AKAP7: variants seen among roughly 807,000 people sequenced by gnomAD.
AKAP7 encodes the protein A-kinase anchoring protein 7, also known as A kinase (PRKA) anchor protein 7.
AKAP7 carries 39 observed loss-of-function variants against 39.5 expected under a neutral mutation model. That is an observed-to-expected ratio of 0.99 (90% CI 0.76 to 1.29). The LOEUF is 1.29. Ranked by LOEUF, AKAP7 falls within the 50% of genes most tolerant of loss-of-function variation. The pLI is 0.00. For synonymous variants in AKAP7, 140 were observed against 139.1 expected, an observed-to-expected ratio of 1.01 and a Z score of -0.05; for missense variants, 414 against 407.7, an observed-to-expected ratio of 1.02 and a Z score of -0.13.
chr6:131,265,117 T>C (rs1813673309), intron 7 of AKAP7, among the ~76,000 whole-genome samples: 1 of 152,182 alleles, frequency 6.6e-6, no homozygotes, highest in Non-Finnish European at 1.5e-5. Flanking sequence ...CCAATCATGA[T>C]GCTAAGTGCT....
chr6:131,195,495 C>T (rs890352465), intron 5 of AKAP7, among the ~76,000 whole-genome samples: 1 of 152,106 alleles, frequency 6.6e-6, no homozygotes, highest in Non-Finnish European at 1.5e-5. Flanking sequence ...TACAATAGTA[C>T]ATATTTTTCT....
intron 7 of AKAP7, among the ~76,000 whole-genome samples, chr6:131,242,964 A>G (rs1448585725): frequency 2.0e-5 from 3 of 152,188 alleles, no homozygotes; most frequent in Admixed American, 6.5e-5. Flanking sequence ...GTAGGGCCCA[A>G]TGAGTTGATA....
intron 7 of AKAP7, among the ~76,000 whole-genome samples, chr6:131,252,168 C>T (rs1321993833): frequency 6.6e-6 from 1 of 152,176 alleles, no homozygotes; most frequent in East Asian, 1.9e-4. Context: ...GAAGAACAGT[C>T]TTCTGTTTTA....
chr6:131,145,451 G>A, intron 2 of AKAP7, 35 bp downstream of exon 2: 2 of 1,321,524 alleles, frequency 1.5e-6, no homozygotes, highest in South Asian at 4.3e-5. Context: ...GTATTTAGAA[G>A]CAATGAGTAG....
At chr6:131,269,450 G>A (rs980442416) in intron 7 of AKAP7, among the ~76,000 whole-genome samples, 22 of 152,124 alleles carry the variant, frequency 1.4e-4, no homozygotes, top group Admixed American at 1.2e-3. Flanking sequence ...GGGATCTTGA[G>A]GCATCCCCAC....
At position 131,199,564 on chromosome 6, in the gene AKAP7, C is replaced by T. The variant is rs1185968185; in HGVS notation, c.693C>T (p.Leu231=). Reference sequence around the variant, plus strand: ...TGAAGTTGTCAAAATCACCGTGGCTCCGTAAGAATGTGAGTGCATGTTCTT... The same window carrying T: ...TGAAGTTGTCAAAATCACCGTGGCTTCGTAAGAATGTGAGTGCATGTTCTT... ...TFMKLSKSPW[L]RKNGVKKIDP... The change falls in exon 6 of 8, where the codon CTC becomes CTT. Residue 231 remains leucine, a synonymous_variant. Coordinates refer to ENST00000431975, the MANE Select transcript of AKAP7 (RefSeq NM_016377.4). The T allele has an allele frequency of 9.4e-6, 15 of 1,602,272 alleles. No individual in the cohort carries two copies. The highest frequency in any genetic ancestry group is 1.3e-5 in the Non-Finnish European group (15 of 1,169,428).
At chr6:131,253,659 CTTATTTAT>C (rs56220549) in intron 7 of AKAP7, among the ~76,000 whole-genome samples, 55,162 of 149,630 alleles carry the variant, frequency 0.37, 11,029 homozygotes, top group Non-Finnish European at 0.45. Context: ...ATGAGATCTA[CTTATTTAT>C]TTATTTATTT....
At chr6:131,250,738 T>G in intron 7 of AKAP7, 7 of 972,648 alleles carry the variant, frequency 7.2e-6, no homozygotes, top group Non-Finnish European at 1.1e-5. Context: ...CTATGGTTTT[T>G]AATGTGTGTT....
chr6:131,247,400 A>ACTGCAACCTCCACCTCC (rs1446709074), intron 7 of AKAP7, among the ~76,000 whole-genome samples: 1 of 140,748 alleles, frequency 7.1e-6, no homozygotes, highest in Non-Finnish European at 1.5e-5. Context: ...ATCTCAGCTC[A>ACTGCAACCTCCACCTCC]CTGCAACCTC....
chr6:131,225,286 T>C (rs1024033811), intron 7 of AKAP7, among the ~76,000 whole-genome samples: 1 of 152,208 alleles, frequency 6.6e-6, no homozygotes, highest in Non-Finnish European at 1.5e-5. Context: ...TGTGCATGTT[T>C]TCCCCTCAGA....
At chr6:131,166,433 T>C (rs2128242024) in intron 4 of AKAP7, among the ~76,000 whole-genome samples, 1 of 152,344 alleles carries the variant, frequency 6.6e-6, no homozygotes, top group Non-Finnish European at 1.5e-5. Flanking sequence ...TATGTAGATA[T>C]CTATCTGTAT....
At chr6:131,136,901 C>G in intron 1 of AKAP7, 1 of 981,932 alleles carries the variant, frequency 1.0e-6, no homozygotes, top group Non-Finnish European at 1.2e-6. Context: ...TGCCCTTAGC[C>G]CTTTCCAGTT....
chr6:131,144,297 G>A (rs1584937166), intron 1 of AKAP7, among the ~76,000 whole-genome samples: 3 of 152,036 alleles, frequency 2.0e-5, no homozygotes, highest in East Asian at 1.9e-4. Context: ...AGACGGGGTC[G>A]TGGCGGGGCA....
the AKAP7 span, among the ~76,000 whole-genome samples, chr6:131,127,829 G>A: frequency 6.6e-6 from 1 of 152,140 alleles, no homozygotes; most frequent in Non-Finnish European, 1.5e-5. Flanking sequence ...TATACACCAT[G>A]GAATACTATG....
At chr6:131,268,499 T>C (rs1323313630) in intron 7 of AKAP7, among the ~76,000 whole-genome samples, 1 of 152,204 alleles carries the variant, frequency 6.6e-6, no homozygotes, top group Non-Finnish European at 1.5e-5. Context: ...TGACTGCTGT[T>C]AGTGAGCTGG....
chr6:131,269,948 A>G (rs1052624785), intron 7 of AKAP7, among the ~76,000 whole-genome samples: 2 of 152,182 alleles, frequency 1.3e-5, no homozygotes, highest in African/African-American at 4.8e-5. Flanking sequence ...GGGCTGAGAA[A>G]GCCATCATCA....
rs1376571767 is a variant in AKAP7 at position 131,135,773 on chromosome 6, C to T, written c.10C>T (p.Pro4Ser). Residue 4 changes from proline to serine, a missense_variant, in exon 1 of 8, where the codon CCC (proline) becomes TCC (serine). Pro to Ser is a moderately conservative substitution (Grantham distance 74). Coordinates refer to ENST00000431975, the MANE Select transcript of AKAP7 (RefSeq NM_016377.4). ...CGCATGCGCCGCGACCATGGAGCGCCCCGAAGCGGGTGAGACCGGGCTGTC... is the reference window on the plus strand; with the variant it reads ...CGCATGCGCCGCGACCATGGAGCGCTCCGAAGCGGGTGAGACCGGGCTGTC... MER[P>S]EAGGINSNEC... The T allele has an allele frequency of 1.6e-6, 2 of 1,230,384 alleles. No individual in the cohort carries two copies. Among genetic ancestry groups the T allele is most frequent in the African/African-American group, 1.6e-5 (1 of 64,130 alleles). The allele number at this position is 1,230,384 out of a possible 1,614,324, so 76.2% of individuals were successfully genotyped here.
chr6:131,170,359 GA>G (rs1803931695), intron 5 of AKAP7, among the ~76,000 whole-genome samples: 2 of 147,970 alleles, frequency 1.4e-5, no homozygotes, highest in South Asian at 2.3e-4. Flanking sequence ...GCAGAATCTG[GA>G]AAAAAAGAAA....
chr6:131,214,331 T>C (rs1311686200), intron 6 of AKAP7, among the ~76,000 whole-genome samples: 1 of 152,226 alleles, frequency 6.6e-6, no homozygotes, highest in Non-Finnish European at 1.5e-5. Context: ...CTGCTTTTTC[T>C]TTCTGTAAAG....
Sources: gnomAD v4.1 joint callset for allele counts (sites outside exome capture counted in the v4.1 genomes callset) on GRCh38, gnomAD v4.1.1 for gene constraint, MANE v1.5 for transcripts, NCBI Gene and HGNC (gene_info 2026-07-23, HGNC 2026-07-21) for gene names.